TCERG1L: variants seen among roughly 807,000 people sequenced by gnomAD.
TCERG1L encodes transcription elongation regulator 1-like protein.
Under a neutral mutation model 56.3 loss-of-function variants are expected in TCERG1L, and 37 were observed. That is an observed-to-expected ratio of 0.66 (90% CI 0.51 to 0.87). The LOEUF is 0.87. TCERG1L is among the 40% of genes least tolerant of loss of function. TCERG1L has a pLI of 0.00. For synonymous variants in TCERG1L, 324 were observed against 326.3 expected, an observed-to-expected ratio of 0.99 and a Z score of 0.08; for missense variants, 799 against 774.2, an observed-to-expected ratio of 1.03 and a Z score of -0.38.
intron 4 of TCERG1L, among the ~76,000 whole-genome samples, chr10:131,200,677 AG>A (rs1409679218): frequency 6.6e-6 from 1 of 152,206 alleles, no homozygotes; most frequent in Non-Finnish European, 1.5e-5. Flanking sequence ...TGCGCTTTTG[AG>A]TTGATGCTAG....
chr10:131,169,942 A>G (rs966093361), intron 4 of TCERG1L, among the ~76,000 whole-genome samples: 1 of 61,876 alleles, frequency 1.6e-5, no homozygotes, highest in South Asian at 3.7e-4. Flanking sequence ...TTGATCTTGT[A>G]AAAAATCAGA....
chr10:131,107,418 C>T (rs1317377983), intron 9 of TCERG1L, among the ~76,000 whole-genome samples: 1 of 152,172 alleles, frequency 6.6e-6, no homozygotes, highest in African/African-American at 2.4e-5. Context: ...GCCATCTCTA[C>T]AATGATTACA....
Position 131,191,305 on chromosome 10 carries a change from C to T in TCERG1L, c.857-24420G>A, listed in dbSNP as rs1446316328. Among the ~76,000 whole-genome samples, 28 of 143,756 alleles carry T rather than the reference C, an allele frequency of 1.9e-4. 1 individual carries two copies. The highest frequency in any genetic ancestry group is 1.9e-3 in the Admixed American group (27 of 14,480). 94.3% of individuals were successfully genotyped at this position (143,756 alleles called of 152,430 possible). ...CAGTATTATGAAAATGACCATACTGCCAAAAGCAATCTGCAGATTCAACGC... is the reference window on the plus strand; with the variant it reads ...CAGTATTATGAAAATGACCATACTGTCAAAAGCAATCTGCAGATTCAACGC... On this transcript the variant is annotated intron_variant, in intron 4 of 11. Coordinates refer to ENST00000368642, the MANE Select transcript of TCERG1L (RefSeq NM_174937.4).
At chr10:131,169,279 C>G (rs374587155) in intron 4 of TCERG1L, among the ~76,000 whole-genome samples, 1 of 146,602 alleles carries the variant, frequency 6.8e-6, no homozygotes, top group African/African-American at 2.4e-5. Flanking sequence ...GATGGGGACA[C>G]AGCCATGCCC....
rs150958404 is a variant in TCERG1L at position 131,116,872 on chromosome 10, G to A, written c.1322C>T (p.Thr441Met). 8.8e-5 allele frequency: 141 copies of A among 1,596,022 alleles called. No homozygotes were observed. Among genetic ancestry groups the A allele is most frequent in the East Asian group, 6.8e-5 (3 of 44,002 alleles). The change falls in exon 9 of 12, where the codon ACG (threonine) becomes ATG (methionine). Residue 441 changes from threonine (T) to methionine (M), a missense_variant. Thr to Met is a moderately conservative substitution (Grantham distance 81). Transcript: ENST00000368642. ...AGGCAGGAGGATCTGCGGGGGCGGC[G>A]TCCTTGTGCCTTTGTCCTCTCTCTT... ...EAKREDKGTR[T>M]PPPQILLPLE...
intron 8 of TCERG1L, among the ~76,000 whole-genome samples, chr10:131,123,377 A>G (rs1282694633): frequency 6.6e-6 from 1 of 152,156 alleles, no homozygotes; most frequent in Admixed American, 6.5e-5. Context: ...CAGGACACCC[A>G]CAAGCAGATC....
intron 7 of TCERG1L, among the ~76,000 whole-genome samples, chr10:131,140,864 G>C (rs539267853): frequency 3.3e-5 from 5 of 152,274 alleles, no homozygotes; most frequent in African/African-American, 1.2e-4. Context: ...TGGAGGTGCC[G>C]CCTGCACTGG....
At chr10:131,130,790 C>G (rs1589723573) in intron 8 of TCERG1L, among the ~76,000 whole-genome samples, 1 of 152,090 alleles carries the variant, frequency 6.6e-6, no homozygotes, top group East Asian at 1.9e-4. Flanking sequence ...CTGACTCCCC[C>G]ACTGATCAGT....
chr10:131,159,326 G>T (rs1179123613), intron 6 of TCERG1L, among the ~76,000 whole-genome samples: 3 of 152,180 alleles, frequency 2.0e-5, no homozygotes, highest in Non-Finnish European at 2.9e-5. Flanking sequence ...GCAGGGATGG[G>T]CTGTTGTGCC....
intron 4 of TCERG1L, among the ~76,000 whole-genome samples, chr10:131,213,611 C>A (rs938472603): frequency 7.2e-5 from 11 of 152,216 alleles, no homozygotes; most frequent in African/African-American, 2.4e-4. Context: ...AAGCTATCTC[C>A]AGCACTGCTG....
chr10:131,172,333 G>A (rs1344148585), intron 4 of TCERG1L, among the ~76,000 whole-genome samples: 1 of 152,186 alleles, frequency 6.6e-6, no homozygotes, highest in Non-Finnish European at 1.5e-5. Flanking sequence ...GAAGTGAATG[G>A]GCCCCAAGGA....
intron 4 of TCERG1L, among the ~76,000 whole-genome samples, chr10:131,223,084 C>T (rs996544313): frequency 4.6e-5 from 7 of 152,308 alleles, no homozygotes; most frequent in East Asian, 1.9e-4. Flanking sequence ...CCGGCGGGGA[C>T]GAGATCCCAG....
rs201129974 is a variant in TCERG1L, at chr10:131,284,461, A to C, written c.670+23750T>G. On this transcript the variant is annotated intron_variant, in intron 3 of 11. Coordinates refer to ENST00000368642, the MANE Select transcript of TCERG1L (RefSeq NM_174937.4). The stretch of plus-strand genomic sequence containing the variant: ...AATCTTTTATGAAAATAAAGACATA[A>C]TTAATGTGCAAATATACAACCTAAG... Among the ~76,000 whole-genome samples, 10 of 152,222 alleles carry C rather than the reference A, an allele frequency of 6.6e-5. No homozygotes were observed. The East Asian group carries it at 1.9e-3, about 29-fold the overall frequency.
At chr10:131,158,675 A>G (rs1466940377) in intron 6 of TCERG1L, among the ~76,000 whole-genome samples, 1 of 152,160 alleles carries the variant, frequency 6.6e-6, no homozygotes, top group East Asian at 1.9e-4. Flanking sequence ...TGAGGTCTAC[A>G]CTTACGTAGA....
intron 3 of TCERG1L, among the ~76,000 whole-genome samples, chr10:131,266,795 G>A (rs572570866): frequency 6.6e-6 from 1 of 152,128 alleles, no homozygotes; most frequent in South Asian, 2.1e-4. Flanking sequence ...CCTCTCTGTG[G>A]CTGGTCGTCC....
intron 9 of TCERG1L, among the ~76,000 whole-genome samples, chr10:131,114,902 C>G (rs1329392754): frequency 6.6e-6 from 1 of 152,246 alleles, no homozygotes; most frequent in Non-Finnish European, 1.5e-5. Context: ...ATAATCCAAC[C>G]AGGCCAGCCT....
At chr10:131,153,539 G>C (rs987613449) in intron 6 of TCERG1L, among the ~76,000 whole-genome samples, 22 of 152,220 alleles carry the variant, frequency 1.4e-4, no homozygotes, top group African/African-American at 5.3e-4. Context: ...TTCCCAGCTG[G>C]CCTCCAAGCT....
intron 9 of TCERG1L, among the ~76,000 whole-genome samples, chr10:131,109,489 TCTGTGG>T (rs1845389409): frequency 6.6e-6 from 1 of 151,428 alleles, no homozygotes; most frequent in African/African-American, 2.4e-5. Flanking sequence ...TGTGTCTGTG[TCTGTGG>T]CTGTGTCTGT....
At chr10:131,278,143 T>C (rs1386376398) in intron 3 of TCERG1L, among the ~76,000 whole-genome samples, 1 of 151,400 alleles carries the variant, frequency 6.6e-6, no homozygotes, top group Non-Finnish European at 1.5e-5. Context: ...TGAGCACCGG[T>C]GGGGCTCCTT....
Sources: allele counts gnomAD v4.1 joint callset (sites outside exome capture counted in the v4.1 genomes callset), GRCh38; gene constraint gnomAD v4.1.1; transcripts MANE v1.5; gene names NCBI Gene and HGNC (gene_info 2026-07-23, HGNC 2026-07-21).